Variants in PDE11A observed in about 807,000 individuals in gnomAD.
The protein encoded by PDE11A is phosphodiesterase 11A.
PDE11A carries 100 observed loss-of-function variants against 100.5 expected under a neutral mutation model. The observed-to-expected ratio is 1.00, with a 90% CI of 0.85 to 1.18. The LOEUF (loss-of-function observed/expected upper bound fraction) is 1.18. Ranked by LOEUF, PDE11A falls within the 50% of genes most tolerant of loss-of-function variation. The pLI, the probability that PDE11A is intolerant of heterozygous loss-of-function variation, is 0.00. For missense variants in PDE11A, 1,141 were observed against 1,152.6 expected, an observed-to-expected ratio of 0.99 and a Z score of 0.15; for synonymous variants, 381 against 420.8, an observed-to-expected ratio of 0.91 and a Z score of 1.16.
At position 177,870,290 on chromosome 2, in the gene PDE11A, C is replaced by T. The variant is rs949630282; in HGVS notation, c.1367+5569G>A. ...ATTTACACTCCACTTCTTATTTCTA[C>T]GTTTTTCTGCAAAACAATAACTTTT... On this transcript the variant is annotated intron_variant, in intron 5 of 19. Coordinates refer to ENST00000286063, the MANE Select transcript of PDE11A (RefSeq NM_016953.4). Among the ~76,000 whole-genome samples, 5 of 152,194 alleles carry T rather than the reference C, an allele frequency of 3.3e-5. No individual in the cohort carries two copies. In the East Asian group the frequency reaches 7.7e-4, roughly 23 times the overall value.
intron 6 of PDE11A, among the ~76,000 whole-genome samples, chr2:177,835,520 G>A (rs925771173): frequency 2.0e-5 from 3 of 152,204 alleles, no homozygotes; most frequent in Non-Finnish European, 4.4e-5. Context: ...CAGCGTGCTG[G>A]CAGCCCTCGC....
chr2:177,837,978 T>G (rs541397402), intron 6 of PDE11A, among the ~76,000 whole-genome samples: 8 of 152,232 alleles, frequency 5.3e-5, no homozygotes, highest in Non-Finnish European at 1.2e-4. Flanking sequence ...CTTGTTTTTC[T>G]GGAAAAAGGT....
upstream of PDE11A, chr2:178,073,124 T>G: frequency 1.0e-6 from 1 of 954,832 alleles, no homozygotes; most frequent in African/African-American, 1.8e-5. Flanking sequence ...GATACAAGTG[T>G]TGATGTTTTG....
At chr2:178,060,721 A>G (rs2086957962) in intron 1 of PDE11A, among the ~76,000 whole-genome samples, 1 of 152,142 alleles carries the variant, frequency 6.6e-6, no homozygotes, top group Non-Finnish European at 1.5e-5. Context: ...TTGTTCACTT[A>G]ATAGTATTCT....
chr2:177,763,613 G>A (rs1296448315), intron 10 of PDE11A, among the ~76,000 whole-genome samples: 1 of 152,132 alleles, frequency 6.6e-6, no homozygotes, highest in African/African-American at 2.4e-5. Flanking sequence ...TGGGTAGTAA[G>A]CTCCCGGCCT....
Position 177,709,595 on chromosome 2 carries a change from C to T in PDE11A, c.2153+2174G>A, listed in dbSNP as rs908509998. On this transcript the variant is annotated intron_variant, in intron 13 of 19. Transcript: ENST00000286063. Reference sequence around the variant, plus strand: ...GGTTCAAAGAAATGTATTCAGGGCTCATCAGCAGATGGCTGGTGGCCCTGC... The same window carrying T: ...GGTTCAAAGAAATGTATTCAGGGCTTATCAGCAGATGGCTGGTGGCCCTGC... Among the ~76,000 whole-genome samples the T allele has an allele frequency of 5.3e-5, 8 of 152,138 alleles. No homozygotes were observed. The East Asian group carries it at 1.5e-3, about 29-fold the overall frequency.
intron 9 of PDE11A, among the ~76,000 whole-genome samples, chr2:177,804,798 G>A (rs535480280): frequency 6.6e-6 from 1 of 151,982 alleles, no homozygotes; most frequent in Admixed American, 6.6e-5. Context: ...TGGAACTGGA[G>A]GCCATTGTCT....
rs993880021 is a variant in PDE11A, at chr2:177,898,326, T to A, written c.1162-128A>T. The A allele has an allele frequency of 4.2e-5, 28 of 674,340 alleles. No homozygotes were observed. The African/African-American group carries it at 4.7e-4, about 11-fold the overall frequency. 41.8% of individuals were successfully genotyped at this position (674,340 alleles called of 1,614,324 possible). On this transcript the variant is annotated intron_variant, in intron 3 of 19. Coordinates refer to ENST00000286063, the MANE Select transcript of PDE11A (RefSeq NM_016953.4). ...TTTTTGTGTAGCTAATTTTAAAAAA[T>A]TTTATGATTGTTTTGACATATTTTT...
chr2:178,026,497 C>A (rs1260565182), intron 1 of PDE11A, among the ~76,000 whole-genome samples: 1 of 151,812 alleles, frequency 6.6e-6, no homozygotes, highest in African/African-American at 2.4e-5. Context: ...CCCGTCTTTA[C>A]TAAAAATACA....
chr2:177,790,160 A>G (rs2082608529), intron 9 of PDE11A, among the ~76,000 whole-genome samples: 1 of 150,262 alleles, frequency 6.7e-6, no homozygotes, highest in South Asian at 2.1e-4. Flanking sequence ...TACAGTAACC[A>G]AAACAGCATG....
intron 18 of PDE11A, among the ~76,000 whole-genome samples, 186 bp downstream of exon 18, chr2:177,669,307 C>T (rs2080637353): frequency 6.6e-6 from 1 of 152,110 alleles, no homozygotes; most frequent in African/African-American, 2.4e-5. Context: ...AAGTAGCTCA[C>T]CACTCTTAAT....
At chr2:177,644,859 G>A (rs1033414529) in intron 19 of PDE11A, among the ~76,000 whole-genome samples, 9 of 152,274 alleles carry the variant, frequency 5.9e-5, no homozygotes, top group Admixed American at 3.9e-4. Context: ...TAGAAAGTCT[G>A]ACAGTTTTAA....
chr2:177,876,259 C>G (rs1400143604), intron 4 of PDE11A, among the ~76,000 whole-genome samples: 1 of 152,208 alleles, frequency 6.6e-6, no homozygotes, highest in African/African-American at 2.4e-5. Context: ...ACAACCCAAT[C>G]AACAGCAATA....
chr2:177,871,726 G>A (rs1399409335), intron 5 of PDE11A, among the ~76,000 whole-genome samples: 4 of 151,712 alleles, frequency 2.6e-5, no homozygotes, highest in Non-Finnish European at 5.9e-5. Flanking sequence ...CAGGTGTGGT[G>A]GCATGCACTT....
At chr2:178,075,551 C>CAAAAAAA (rs397756518), upstream of PDE11A, among the ~76,000 whole-genome samples, 12 of 47,828 alleles carry the variant, frequency 2.5e-4, no homozygotes, top group African/African-American at 1.0e-3. Context: ...GACTCTGTCT[C>CAAAAAAA]AAAAAAAAAA....
At chr2:177,760,676 A>G (rs1215194315) in intron 10 of PDE11A, among the ~76,000 whole-genome samples, 3 of 152,264 alleles carry the variant, frequency 2.0e-5, no homozygotes, top group Non-Finnish European at 4.4e-5. Context: ...ATTAACCAAA[A>G]GGTCTGGTGG....
intron 4 of PDE11A, among the ~76,000 whole-genome samples, chr2:177,884,648 T>G (rs1214398942): frequency 2.6e-5 from 4 of 152,164 alleles, no homozygotes; most frequent in Non-Finnish European, 5.9e-5. Context: ...GTGTGAGCAT[T>G]ATTATACAAG....
chr2:178,080,027 T>A (rs2087263735), intron 2 of PDE11A, among the ~76,000 whole-genome samples: 1 of 152,230 alleles, frequency 6.6e-6, no homozygotes, highest in Non-Finnish European at 1.5e-5. Context: ...AAGTTCCTTG[T>A]AGACTCTGGA....
At chr2:177,911,177 C>T (rs12151755) in intron 2 of PDE11A, among the ~76,000 whole-genome samples, 18,984 of 152,166 alleles carry the variant, frequency 0.12, 1,450 homozygotes, top group African/African-American at 0.23. Flanking sequence ...TGTTTTAAGA[C>T]AGTTGTGATT....
Sources: gnomAD v4.1 joint callset for allele counts (sites outside exome capture counted in the v4.1 genomes callset) on GRCh38, gnomAD v4.1.1 for gene constraint, MANE v1.5 for transcripts, NCBI Gene and HGNC (gene_info 2026-07-23, HGNC 2026-07-21) for gene names.